TADA3: variants seen among roughly 807,000 people sequenced by gnomAD.
TADA3 encodes transcriptional adaptor 3.
TADA3 carries 25 observed loss-of-function variants against 43.2 expected under a neutral mutation model. The ratio of observed to expected loss-of-function variants is 0.58; its 90% CI spans 0.42 to 0.81. The LOEUF is 0.81. Among genes scored for constraint, TADA3 ranks in the 30% least tolerant of loss-of-function variants. The pLI, the probability that TADA3 is intolerant of heterozygous loss-of-function variation, is 0.00. For synonymous variants in TADA3, 235 were observed against 225.5 expected (o/e 1.04, Z -0.38); for missense variants, 441 against 567.8 (o/e 0.78, Z 2.27).
At chr3:9,786,919 A>C (rs1442342477) in intron 6 of TADA3, 87 bp downstream of exon 6, 53 of 1,276,242 alleles carry the variant, frequency 4.2e-5, no homozygotes, top group Non-Finnish European at 5.7e-5. Flanking sequence ...CAACCTAATA[A>C]ATGTATGATA....
chr3:9,784,787 C>A (rs1301954219), intron 7 of TADA3, among the ~76,000 whole-genome samples: 1 of 151,688 alleles, frequency 6.6e-6, no homozygotes, highest in Non-Finnish European at 1.5e-5. Context: ...TCGCTTGAAC[C>A]TGGGAGGCGG....
At chr3:9,792,512 G>A (rs1575313397), upstream of TADA3, 1 of 1,220,882 alleles carries the variant, frequency 8.2e-7, no homozygotes, top group East Asian at 3.2e-5. Context: ...GCGGGGGCGG[G>A]GAGTCAGCGA....
chr3:9,786,936 G>A (rs1398622380), intron 6 of TADA3, 70 bp downstream of exon 6: 55 of 1,394,266 alleles, frequency 3.9e-5, no homozygotes, highest in Non-Finnish European at 5.5e-5. Context: ...GATAAATTCC[G>A]ATAAAAAATA....
chr3:9,792,982 G>C, upstream of TADA3: 1 of 1,440,838 alleles, frequency 6.9e-7, no homozygotes, highest in Non-Finnish European at 9.1e-7. Flanking sequence ...GTTCGTAAGG[G>C]CTCTCTACCC....
upstream of TADA3, chr3:9,792,946 G>T (rs2078778998): frequency 1.4e-6 from 2 of 1,414,216 alleles, no homozygotes; most frequent in Non-Finnish European, 1.8e-6. Flanking sequence ...ACAGCCCTAG[G>T]TGGAAAACTT....
At position 9,789,753 on chromosome 3, in the gene TADA3, T is replaced by G; in HGVS notation, c.418A>C (p.Ile140Leu). The change falls in exon 3 of 9, where the codon ATC becomes CTC. Residue 140 changes from isoleucine to leucine, a missense_variant. Transcript: ENST00000301964. ...IQEYEFTDDP[I>L]DVPRIPKNDA... ...TTTTTGGGGATCCGTGGCACGTCGATAGGGTCATCAGTGAATTCATATTCC... is the reference window on the plus strand; with the variant it reads ...TTTTTGGGGATCCGTGGCACGTCGAGAGGGTCATCAGTGAATTCATATTCC... 1 of 1,614,156 alleles carries G rather than the reference T, an allele frequency of 6.2e-7. No homozygotes were observed. The highest frequency in any genetic ancestry group is 1.1e-5 in the South Asian group (1 of 91,082).
At chr3:9,781,602 T>C in intron 8 of TADA3, 1 of 455,992 alleles carries the variant, frequency 2.2e-6, no homozygotes, top group Non-Finnish European at 4.4e-6. Flanking sequence ...TGACAGGAGG[T>C]GGGTGAGACA....
Position 9,780,338 on chromosome 3 carries a change from C to G in TADA3, c.*19G>C. 6.2e-7 allele frequency: 1 copy of G among 1,600,782 alleles called. No individual in the cohort carries two copies. Among genetic ancestry groups the G allele is most frequent in the South Asian group, 1.1e-5 (1 of 90,598 alleles). On this transcript the variant is annotated 3_prime_UTR_variant, in exon 9 of 9. Transcript: ENST00000301964. The stretch of plus-strand genomic sequence containing the variant: ...CCCCTCCCCTAGGCCAGATAATCAG[C>G]CTGAGGCAGGGGTGAGGGCTACCCA...
At chr3:9,792,554 G>A (rs558984804), upstream of TADA3, 2 of 1,227,826 alleles carry the variant, frequency 1.6e-6, no homozygotes, top group South Asian at 4.2e-5. Context: ...CCGGGGGTGG[G>A]AAGAAGGTGG....
rs1318637352 is a variant in TADA3, at chr3:9,787,678, A to C, written c.565-338T>G. 7 of 1,352,952 alleles carry C rather than the reference A, an allele frequency of 5.2e-6. No individual in the cohort carries two copies. The African/African-American group carries it at 8.8e-5, about 17-fold the overall frequency. The allele number at this position is 1,352,952 out of a possible 1,614,324, so 83.8% of individuals were successfully genotyped here. Reference sequence around the variant, plus strand: ...TTCAGGTCACGGGTGACAGGGAATTACCTTTTGTATTGCTTGAATTTACTG... The same window carrying C: ...TTCAGGTCACGGGTGACAGGGAATTCCCTTTTGTATTGCTTGAATTTACTG... On this transcript the variant is annotated intron_variant, in intron 4 of 8. Coordinates refer to ENST00000301964, the MANE Select transcript of TADA3 (RefSeq NM_006354.5).
Position 9,791,361 on chromosome 3 carries a change from C to T in TADA3, c.106G>A (p.Asp36Asn), listed in dbSNP as rs758878328. 1.4e-5 allele frequency: 22 copies of T among 1,614,256 alleles called. No homozygotes were observed. The highest frequency in any genetic ancestry group is 1.8e-5 in the Non-Finnish European group (21 of 1,180,058). ...YTAVLARSED[D>N]GIGIEELDTL... ...TCCAGCTCCTCGATGCCGATGCCAT[C>T]ATCCTCAGAGCGTGCCAGCACTGCC... is the stretch of plus-strand genomic sequence containing the variant. Residue 36 changes from aspartate (D) to asparagine (N), a missense_variant, in exon 2 of 9, where the codon GAT becomes AAT. Asp to Asn is a conservative substitution (Grantham distance 23). Coordinates refer to ENST00000301964, the MANE Select transcript of TADA3 (RefSeq NM_006354.5).
At position 9,782,912 on chromosome 3, in the gene TADA3, C is replaced by G. The variant is rs565458747; in HGVS notation, c.1106+1116G>C. Among the ~76,000 whole-genome samples, 7 of 152,282 alleles carry G rather than the reference C, an allele frequency of 4.6e-5. 1 individual carries two copies. Among genetic ancestry groups the G allele is most frequent in the African/African-American group, 1.4e-4 (6 of 41,566 alleles). ...ACTTGTTCGGGTTGCTTCCCTATCT[C>G]TTTACCTAAAGGGTAGCTATTCCAC... On this transcript the variant is annotated intron_variant, in intron 8 of 8. Coordinates refer to ENST00000301964, the MANE Select transcript of TADA3 (RefSeq NM_006354.5).
At chr3:9,787,645 T>A in intron 4 of TADA3, 1 of 1,375,870 alleles carries the variant, frequency 7.3e-7, no homozygotes, top group Non-Finnish European at 9.6e-7. Flanking sequence ...TCGAGAGAAT[T>A]AGGAGCCTTC....
intron 8 of TADA3, chr3:9,781,462 A>G (rs995647752): frequency 2.2e-6 from 1 of 449,704 alleles, no homozygotes; most frequent in African/African-American, 2.0e-5. Context: ...TGAGGGGGAG[A>G]TCTGGAGCAG....
chr3:9,787,305 C>T lies in TADA3; in HGVS notation c.600G>A (p.Trp200Ter). 1 of 1,613,902 alleles carries T rather than the reference C, an allele frequency of 6.2e-7. No homozygotes were observed. The highest frequency in any genetic ancestry group is 8.5e-7 in the Non-Finnish European group (1 of 1,179,932). ...GCTCCTCCAGCAGGTCCTCCTGGGCCCAGCGCTGGGAGTAGTGCTTCCCCA... is the reference window on the plus strand; with the variant it reads ...GCTCCTCCAGCAGGTCCTCCTGGGCTCAGCGCTGGGAGTAGTGCTTCCCCA... ...PPLGKHYSQRWAQEDLLEEQK... is the reference protein window; with the variant it reads ...PPLGKHYSQR Residue 200 changes from tryptophan (W) to a stop codon, truncating the protein, a stop_gained, in exon 5 of 9, where the codon TGG (tryptophan) becomes TGA (stop). Transcript: ENST00000301964. LOFTEE classifies it high-confidence loss of function.
chr3:9,787,596 A>G (rs2078646048), intron 4 of TADA3: 3 of 1,088,880 alleles, frequency 2.8e-6, no homozygotes, highest in Non-Finnish European at 3.8e-6. Flanking sequence ...AAGGTGCAGA[A>G]TACGTACACA....
chr3:9,781,556 A>C (rs1342280963), intron 8 of TADA3: 1 of 456,726 alleles, frequency 2.2e-6, no homozygotes, highest in Non-Finnish European at 4.4e-6. Flanking sequence ...CGGCATCTGC[A>C]TTCCAGAGCC....
chr3:9,790,125 C>G (rs1170459168), intron 2 of TADA3, among the ~76,000 whole-genome samples, 162 bp from the exon 3 acceptor site: 1 of 152,182 alleles, frequency 6.6e-6, no homozygotes, highest in African/African-American at 2.4e-5. Flanking sequence ...AAATTCAGCT[C>G]ATTTTCTGTG....
intron 6 of TADA3, 31 bp from the exon 7 acceptor site, chr3:9,785,456 A>G (rs1281974624): frequency 6.8e-7 from 1 of 1,473,256 alleles, no homozygotes; most frequent in East Asian, 2.3e-5. Context: ...GTGGAAGGAA[A>G]AATAGCTGTT....
Sources: gnomAD v4.1 joint callset for allele counts (sites outside exome capture counted in the v4.1 genomes callset) on GRCh38, gnomAD v4.1.1 for gene constraint, MANE v1.5 for transcripts, NCBI Gene and HGNC (gene_info 2026-07-23, HGNC 2026-07-21) for gene names.